Variants in VPS13B observed in about 807,000 individuals in gnomAD.
VPS13B encodes the protein vacuolar protein sorting 13 homolog B.
VPS13B carries 285 observed loss-of-function variants against 426.4 expected under a neutral mutation model. That is an observed-to-expected ratio of 0.67 (90% confidence interval 0.61 to 0.74). The LOEUF (loss-of-function observed/expected upper bound fraction) is 0.74, where lower values mean the gene tolerates loss of function less well. VPS13B is among the 30% of genes least tolerant of loss of function. The pLI is 0.00. For synonymous variants in VPS13B, 1,676 were observed against 1,676.4 expected, an observed-to-expected ratio of 1.00 and a Z score of 0.01; for missense variants, 4,537 against 4,782.6, an observed-to-expected ratio of 0.95 and a Z score of 1.51.
chr8:99,734,308 T>C (rs1833726937), intron 39 of VPS13B, among the ~76,000 whole-genome samples: 1 of 152,224 alleles, frequency 6.6e-6, no homozygotes, highest in Non-Finnish European at 1.5e-5. Context: ...TTTGAATCCT[T>C]ATTTACTTTA....
Position 99,167,519 on chromosome 8 carries a change from A to C in VPS13B, c.2209-2520A>C, listed in dbSNP as rs79672274. The stretch of plus-strand genomic sequence containing the variant: ...GTTTTTATTGTCATTTACAATTAGC[A>C]TGTGCTTTTTATACTTTTGTCTTTT... On this transcript the variant is annotated intron_variant, in intron 15 of 61. Coordinates refer to ENST00000357162, the MANE Select transcript of VPS13B (RefSeq NM_152564.5). Among the ~76,000 whole-genome samples, 646 of 152,102 alleles carry C rather than the reference A, an allele frequency of 4.2e-3. 8 individuals carry two copies. Among genetic ancestry groups the C allele is most frequent in the African/African-American group, 0.014 (602 of 41,566 alleles).
intron 15 of VPS13B, among the ~76,000 whole-genome samples, chr8:99,163,961 C>T (rs1049490104): frequency 1.3e-5 from 2 of 152,184 alleles, no homozygotes; most frequent in African/African-American, 4.8e-5. Context: ...TGTCACCTCT[C>T]AATCCCCCCT....
At chr8:99,700,915 A>AATTGGGG (rs1203296263) in intron 36 of VPS13B, among the ~76,000 whole-genome samples, 1 of 152,094 alleles carries the variant, frequency 6.6e-6, no homozygotes, top group South Asian at 2.1e-4. Flanking sequence ...TGTGGGGGGA[A>AATTGGGG]ATTGGGGATT....
chr8:99,314,682 C>G (rs1013513916), intron 19 of VPS13B, among the ~76,000 whole-genome samples: 1 of 151,734 alleles, frequency 6.6e-6, no homozygotes, highest in South Asian at 2.1e-4. Context: ...AACTCCTGGC[C>G]TCATGCAATC....
chr8:99,152,149 T>C (rs1811111479), intron 14 of VPS13B, among the ~76,000 whole-genome samples: 1 of 152,244 alleles, frequency 6.6e-6, no homozygotes, highest in South Asian at 2.1e-4. Flanking sequence ...AACTCAATAC[T>C]ATAAACTTAC....
rs774921731 is a variant in VPS13B, at chr8:99,868,471, T to G, written c.11392+6T>G. The G allele has an allele frequency of 6.2e-7, 1 of 1,606,946 alleles. No individual in the cohort carries two copies. The highest frequency in any genetic ancestry group is 1.1e-5 in the South Asian group (1 of 89,994). On this transcript the variant is annotated splice_donor_region_variant and intron_variant, in intron 59 of 61. Coordinates refer to ENST00000357162, the MANE Select transcript of VPS13B (RefSeq NM_152564.5). The stretch of plus-strand genomic sequence containing the variant: ...GGTGTCACAGACTGGCTATGGTAAG[T>G]CGGTGGAAAACCCATCAGGCCAACC...
In VPS13B at chr8:99,498,661, G is replaced by A. The variant is rs527730033; in HGVS notation, c.3871-3026G>A. Among the ~76,000 whole-genome samples the A allele has an allele frequency of 2.0e-5, 3 of 152,262 alleles. No homozygotes were observed. In the South Asian group the frequency reaches 6.2e-4, roughly 32 times the overall value. On this transcript the variant is annotated intron_variant, in intron 25 of 61. Coordinates refer to ENST00000357162, the MANE Select transcript of VPS13B (RefSeq NM_152564.5). Reference sequence around the variant, plus strand: ...TTAGATGATTTATACTTTAAACTATGAGTAATTCTTTTCATGCTGACATGT... The same window carrying A: ...TTAGATGATTTATACTTTAAACTATAAGTAATTCTTTTCATGCTGACATGT...
At chr8:99,679,732 C>T (rs1831081539) in intron 35 of VPS13B, among the ~76,000 whole-genome samples, 1 of 152,140 alleles carries the variant, frequency 6.6e-6, no homozygotes, top group Non-Finnish European at 1.5e-5. Flanking sequence ...AATGAAAGCA[C>T]ATTAATCTCA....
chr8:99,869,562 G>A (rs1221846304), intron 59 of VPS13B, among the ~76,000 whole-genome samples: 1 of 152,118 alleles, frequency 6.6e-6, no homozygotes, highest in Non-Finnish European at 1.5e-5. Flanking sequence ...TCACTCACAG[G>A]GAAACTGTCA....
chr8:99,202,712 C>T (rs1446500008), intron 17 of VPS13B, among the ~76,000 whole-genome samples: 2 of 152,124 alleles, frequency 1.3e-5, no homozygotes, highest in African/African-American at 2.4e-5. Context: ...CCAGCATCAT[C>T]CTGATACCAA....
At chr8:99,506,090 C>T (rs993386411) in intron 27 of VPS13B, among the ~76,000 whole-genome samples, 11 of 151,986 alleles carry the variant, frequency 7.2e-5, no homozygotes, top group Non-Finnish European at 7.4e-5. Context: ...TTGCTGTATA[C>T]GTCCCATCCA....
At chr8:99,125,915 G>A (rs1230137813) in intron 8 of VPS13B, among the ~76,000 whole-genome samples, 2 of 151,982 alleles carry the variant, frequency 1.3e-5, no homozygotes, top group African/African-American at 4.8e-5. Context: ...GGTTGGGGTT[G>A]TGGAGCTAAA....
chr8:99,581,031 A>ACACACACACACAC (rs1826032379), intron 33 of VPS13B, among the ~76,000 whole-genome samples: 1 of 148,072 alleles, frequency 6.8e-6, no homozygotes, highest in Admixed American at 6.7e-5. Context: ...ACACACACAC[A>ACACACACACACAC]AATTAGGCAG....
chr8:99,597,120 G>A (rs927516783), intron 33 of VPS13B, among the ~76,000 whole-genome samples: 4 of 151,942 alleles, frequency 2.6e-5, no homozygotes, highest in Non-Finnish European at 4.4e-5. Flanking sequence ...TTCATCTGAC[G>A]ATGAACTCCC....
chr8:99,321,369 C>T (rs2133128490), intron 19 of VPS13B, among the ~76,000 whole-genome samples: 1 of 152,040 alleles, frequency 6.6e-6, no homozygotes, highest in Middle Eastern at 3.4e-3. Context: ...CCACCACGCC[C>T]AGCTAATTTT....
chr8:99,014,252 G>C (rs1587913409), intron 2 of VPS13B, among the ~76,000 whole-genome samples: 2 of 150,510 alleles, frequency 1.3e-5, no homozygotes, highest in African/African-American at 4.9e-5. Context: ...CTAATAGCTG[G>C]GATTACAGGC....
intron 25 of VPS13B, among the ~76,000 whole-genome samples, chr8:99,486,883 G>A (rs570611637): frequency 6.6e-6 from 1 of 152,198 alleles, no homozygotes; most frequent in East Asian, 1.9e-4. Flanking sequence ...GAAAAAGATG[G>A]TAGTCTGAAA....
At chr8:99,409,777 C>G (rs1242488204) in intron 21 of VPS13B, among the ~76,000 whole-genome samples, 8 of 152,234 alleles carry the variant, frequency 5.3e-5, no homozygotes, top group African/African-American at 1.9e-4. Context: ...ATTCAACTTA[C>G]AATTCTTGTA....
chr8:99,019,621 A>G (rs1392396740), intron 2 of VPS13B, among the ~76,000 whole-genome samples: 1 of 152,218 alleles, frequency 6.6e-6, no homozygotes, highest in Non-Finnish European at 1.5e-5. Flanking sequence ...TTCTGTATCC[A>G]TTAGACACCA....
Sources: allele counts gnomAD v4.1 joint callset (sites outside exome capture counted in the v4.1 genomes callset), GRCh38; gene constraint gnomAD v4.1.1; transcripts MANE v1.5; gene names NCBI Gene and HGNC (gene_info 2026-07-23, HGNC 2026-07-21).